The following GCSAML variants were observed in gnomAD, a reference collection of about 807,000 sequenced individuals.
GCSAML encodes the protein germinal center associated signaling and motility like.
A neutral mutation model predicts 13.0 loss-of-function variants in GCSAML; 9 were observed. The observed-to-expected ratio is 0.69, with a 90% CI of 0.42 to 1.21. GCSAML has a LOEUF of 1.21. Among genes scored for constraint, GCSAML ranks in the 50% most tolerant of loss-of-function variants. The pLI is 0.00. For missense variants in GCSAML, 143 were observed against 153.4 expected (o/e 0.93, Z 0.36); for synonymous variants, 37 against 52.9 (o/e 0.70, Z 1.31).
At chr1:247,562,070 G>A (rs1668151151) in intron 2 of GCSAML, among the ~76,000 whole-genome samples, 1 of 152,162 alleles carries the variant, frequency 6.6e-6, no homozygotes. Flanking sequence ...AGGCAAAATT[G>A]TAAATAAATA....
At chr1:247,572,821 G>A (rs374190416) in intron 4 of GCSAML, among the ~76,000 whole-genome samples, 1 of 152,090 alleles carries the variant, frequency 6.6e-6, no homozygotes, top group African/African-American at 2.4e-5. Context: ...CTTTCCTTCT[G>A]TAAGCCCCTG....
At chr1:247,531,591 T>C (rs1258113631) in intron 2 of GCSAML, 7 of 1,614,160 alleles carry the variant, frequency 4.3e-6, no homozygotes, top group Non-Finnish European at 5.9e-6. Flanking sequence ...AGCAGTTCTC[T>C]AATACCATGT....
chr1:247,549,464 C>T (rs1667693581), intron 1 of GCSAML, among the ~76,000 whole-genome samples: 1 of 152,060 alleles, frequency 6.6e-6, no homozygotes, highest in South Asian at 2.1e-4. Flanking sequence ...ATTCAAATTC[C>T]AGAAAAACAT....
At chr1:247,512,604 A>C (rs1666079732) in intron 1 of GCSAML, among the ~76,000 whole-genome samples, 1 of 151,572 alleles carries the variant, frequency 6.6e-6, no homozygotes, top group Admixed American at 6.6e-5. Context: ...GGTTTTTGGA[A>C]TTTTCAGGCT....
rs907429964 is a variant in GCSAML at position 247,526,992 on chromosome 1, T to C, written c.-210T>C. ...GGAGGATTCCAATAGTTCTACTGGATGTGGAGCCAGAAATTGTGTGGAATG... is the reference window on the plus strand; with the variant it reads ...GGAGGATTCCAATAGTTCTACTGGACGTGGAGCCAGAAATTGTGTGGAATG... On this transcript the variant is annotated 5_prime_UTR_variant, in exon 2 of 6. Transcript: ENST00000366489. The surrounding 1 kb of genome is among the most constrained non-coding windows in gnomAD (Gnocchi z 4.8). 7 of 456,748 alleles carry C rather than the reference T, an allele frequency of 1.5e-5. No individual in the cohort carries two copies. Among genetic ancestry groups the C allele is most frequent in the Admixed American group, 1.4e-4 (6 of 42,576 alleles). 28.3% of individuals were successfully genotyped at this position (456,748 alleles called of 1,614,324 possible). A position where few individuals can be genotyped will look rare whatever the true frequency, so the allele number is the denominator to read the frequency against.
chr1:247,524,685 C>T (rs1295922888), intron 1 of GCSAML: 1 of 152,090 alleles, frequency 6.6e-6, no homozygotes, highest in Non-Finnish European at 1.5e-5. Flanking sequence ...GGCATAAAGG[C>T]ATGATTGATA....
intron 4 of GCSAML, among the ~76,000 whole-genome samples, chr1:247,572,294 A>G (rs141987289): frequency 1.4e-3 from 218 of 152,028 alleles, no homozygotes; most frequent in African/African-American, 5.1e-3. Context: ...TGGTATTTGG[A>G]ATTTTCAGCC....
At chr1:247,535,785 T>A (rs1344848024) in intron 2 of GCSAML, among the ~76,000 whole-genome samples, 2 of 152,218 alleles carry the variant, frequency 1.3e-5, no homozygotes, top group Non-Finnish European at 1.5e-5. Context: ...AGATTCTTAG[T>A]ACAAAAATAG....
intron 2 of GCSAML, among the ~76,000 whole-genome samples, chr1:247,533,194 C>T (rs1667078726): frequency 6.6e-6 from 1 of 152,136 alleles, no homozygotes; most frequent in Non-Finnish European, 1.5e-5. Flanking sequence ...TGATCTAATA[C>T]TCTAACTCAT....
intron 2 of GCSAML, chr1:247,528,018 A>T (rs893958909): frequency 2.6e-5 from 4 of 152,110 alleles, no homozygotes; most frequent in African/African-American, 9.7e-5. Flanking sequence ...AATTTTATCT[A>T]ATACTTTAAA....
chr1:247,543,536 G>C (rs1667474776), intron 2 of GCSAML, among the ~76,000 whole-genome samples: 1 of 152,118 alleles, frequency 6.6e-6, no homozygotes, highest in Non-Finnish European at 1.5e-5. Flanking sequence ...ATCCCCCATG[G>C]ATAAGGCGGA....
At chr1:247,562,116 A>G (rs541047089) in intron 2 of GCSAML, among the ~76,000 whole-genome samples, 30 of 152,324 alleles carry the variant, frequency 2.0e-4, no homozygotes, top group African/African-American at 7.0e-4. Context: ...TAAAAAGCTG[A>G]GATACCTTGA....
chr1:247,565,127 AGGTG>A (rs1668289869), intron 3 of GCSAML, among the ~76,000 whole-genome samples: 1 of 152,180 alleles, frequency 6.6e-6, no homozygotes, highest in African/African-American at 2.4e-5. Context: ...TGGGAGGCCG[AGGTG>A]GGCAGATCAC....
At chr1:247,566,015 G>A (rs1668340471) in intron 4 of GCSAML, 56 bp downstream of exon 4, 2 of 1,289,252 alleles carry the variant, frequency 1.6e-6, no homozygotes, top group Non-Finnish European at 2.1e-6. Flanking sequence ...TATTATGTTT[G>A]TCTGATAAAT....
chr1:247,557,881 A>G (rs567813108), intron 2 of GCSAML, among the ~76,000 whole-genome samples: 1 of 152,318 alleles, frequency 6.6e-6, no homozygotes, highest in Non-Finnish European at 1.5e-5. Flanking sequence ...TAGACTTTTA[A>G]TTCAGGCATT....
At chr1:247,508,785 G>A (rs1420290280) in intron 1 of GCSAML, among the ~76,000 whole-genome samples, 4 of 152,250 alleles carry the variant, frequency 2.6e-5, no homozygotes, top group East Asian at 1.9e-4. Context: ...CCCATTGCTT[G>A]TTTTTGTCAG....
At chr1:247,512,886 G>A (rs1350518084) in intron 1 of GCSAML, among the ~76,000 whole-genome samples, 3 of 152,140 alleles carry the variant, frequency 2.0e-5, no homozygotes, top group Non-Finnish European at 2.9e-5. Flanking sequence ...CTCTGGAAGC[G>A]TCGTCCCAGA....
At chr1:247,549,028 T>C (rs1239931448), upstream of GCSAML, 1 of 1,560,616 alleles carries the variant, frequency 6.4e-7, no homozygotes, top group African/African-American at 1.4e-5. Context: ...TCTTCCTGCC[T>C]TCTCTATCAT....
At chr1:247,563,153 A>T (rs144066139) in intron 2 of GCSAML, among the ~76,000 whole-genome samples, 233 of 152,166 alleles carry the variant, frequency 1.5e-3, no homozygotes, top group Non-Finnish European at 2.8e-3. Flanking sequence ...CGGCCACCAC[A>T]CTTATTAATG....
Sources: allele counts gnomAD v4.1 joint callset (sites outside exome capture counted in the v4.1 genomes callset), GRCh38; gene constraint gnomAD v4.1.1; non-coding constraint Gnocchi (gnomAD v3.1); transcripts MANE v1.5; gene names NCBI Gene and HGNC (gene_info 2026-07-23, HGNC 2026-07-21).